Variants in INTS4 observed in about 807,000 individuals in gnomAD.
INTS4 encodes integrator complex subunit 4.
Under a neutral mutation model 119.5 loss-of-function variants are expected in INTS4, and 70 were observed. The observed-to-expected ratio is 0.59, with a 90% CI of 0.48 to 0.71. INTS4 has a LOEUF of 0.71. Among genes scored for constraint, INTS4 ranks in the 30% least tolerant of loss-of-function variants. INTS4 has a pLI of 0.00. For synonymous variants in INTS4, 316 were observed against 419.6 expected, an observed-to-expected ratio of 0.75 and a Z score of 3.02; for missense variants, 867 against 1,173.2, an observed-to-expected ratio of 0.74 and a Z score of 3.81.
Position 77,981,514 on chromosome 11 carries a change from T to G in INTS4, c.309A>C (p.Ala103=), listed in dbSNP as rs1261793384. ...ASLLGLLSKT[A]GFSPDCIMDD... is the part of the protein sequence containing the mutation. ...CCATAATGCAGTCTGGTGAAAATCC[T>G]GCTGTCTTTGATAATAAACCCAACA... Residue 103 remains alanine (A), a synonymous_variant, in exon 3 of 23, where the codon GCA becomes GCC. Coordinates refer to ENST00000534064, the MANE Select transcript of INTS4 (RefSeq NM_033547.4). 4 of 1,586,118 alleles carry G rather than the reference T, an allele frequency of 2.5e-6. No homozygotes were observed. The highest frequency in any genetic ancestry group is 1.3e-5 in the African/African-American group (1 of 74,102).
At chr11:77,970,299 T>G (rs748121387) in intron 4 of INTS4, among the ~76,000 whole-genome samples, 19 of 152,034 alleles carry the variant, frequency 1.2e-4, no homozygotes, top group Non-Finnish European at 5.9e-5. Context: ...CTCAGGAGGC[T>G]GAGGCAGGAG....
At chr11:77,911,055 C>T (rs1261077159) in intron 15 of INTS4, 2 of 1,288,918 alleles carry the variant, frequency 1.6e-6, no homozygotes, top group Admixed American at 2.3e-5. Context: ...AAAAACCGTC[C>T]ACTGGACTAT....
Position 77,994,602 on chromosome 11 carries a change from C to G in INTS4, c.42G>C (p.Thr14=). The G allele has an allele frequency of 2.5e-6, 4 of 1,613,764 alleles. No individual in the cohort carries two copies. Among genetic ancestry groups the G allele is most frequent in the South Asian group, 1.1e-5 (1 of 91,080 alleles). Residue 14 remains threonine (T), a synonymous_variant, in exon 1 of 23, where the codon ACG becomes ACC. Coordinates refer to ENST00000534064, the MANE Select transcript of INTS4 (RefSeq NM_033547.4). ...HLKKRVYEEF[T]KVVQPQEEIA... is the part of the protein sequence containing the mutation. ...CGCCAGAGCTTACCTGAACCACTTT[C>G]GTGAATTCCTCATAAACCCGCTTCT...
intron 9 of INTS4, among the ~76,000 whole-genome samples, chr11:77,939,878 C>A (rs1187944915): frequency 3.3e-5 from 5 of 151,490 alleles, no homozygotes; most frequent in African/African-American, 1.2e-4. Flanking sequence ...AACAAACAAA[C>A]AAAAAAACCA....
intron 8 of INTS4, among the ~76,000 whole-genome samples, chr11:77,951,487 C>T (rs1202762988): frequency 1.3e-5 from 2 of 152,128 alleles, no homozygotes; most frequent in Non-Finnish European, 2.9e-5. Context: ...TGGATCCCTT[C>T]CTTACACCTT....
Position 77,939,946 on chromosome 11 carries a change from G to A in INTS4, c.991-1121C>T, listed in dbSNP as rs543067915. 1.4e-4 allele frequency among the ~76,000 whole-genome samples: 22 copies of A among 152,148 alleles called. No individual in the cohort carries two copies. In the South Asian group the frequency reaches 1.5e-3, roughly 10 times the overall value. ...AAAATCACCAAAGTCATTATATTAG[G>A]GTAGCAGGCATATGGGTAAATTGTT... On this transcript the variant is annotated intron_variant, in intron 9 of 22. Coordinates refer to ENST00000534064, the MANE Select transcript of INTS4 (RefSeq NM_033547.4).
intron 15 of INTS4, 130 bp from the exon 16 acceptor site, chr11:77,907,940 A>T: frequency 1.7e-6 from 1 of 594,610 alleles, no homozygotes; most frequent in Non-Finnish European, 2.9e-6. Flanking sequence ...ACGACACTGA[A>T]TGCTGGAGTG....
chr11:77,934,033 T>C (rs1953731228), intron 10 of INTS4, among the ~76,000 whole-genome samples: 1 of 79,004 alleles, frequency 1.3e-5, no homozygotes, highest in Non-Finnish European at 2.5e-5. Context: ...GAGACTCCAT[T>C]TTGTTCTGTA....
chr11:77,912,311 G>A (rs561849779), intron 15 of INTS4, among the ~76,000 whole-genome samples: 3 of 150,998 alleles, frequency 2.0e-5, no homozygotes, highest in East Asian at 1.9e-4. Context: ...GCCGTGAACC[G>A]AGATTGCACC....
chr11:77,875,543 C>G (rs1951571545), downstream of INTS4, among the ~76,000 whole-genome samples: 1 of 152,138 alleles, frequency 6.6e-6, no homozygotes, highest in Non-Finnish European at 1.5e-5. Flanking sequence ...ACCGCCTTCT[C>G]CAACAGAGAA....
In INTS4 at chr11:77,883,872, C is replaced by G. The variant is rs888060765; in HGVS notation, c.2673G>C (p.Arg891=). 2 of 1,612,454 alleles carry G rather than the reference C, an allele frequency of 1.2e-6. No individual in the cohort carries two copies. Among genetic ancestry groups the G allele is most frequent in the African/African-American group, 2.7e-5 (2 of 74,884 alleles). ...DFRNPGPGRH[R]LITQVYLSHT... ...GGGAGAGATAAACCTGAGTGATGAG[C>G]CGGTGCCGCCCTGGGCCAGGATTCC... The change falls in exon 22 of 23, where the codon CGG becomes CGC. Residue 891 remains arginine, a synonymous_variant. Coordinates refer to ENST00000534064, the MANE Select transcript of INTS4 (RefSeq NM_033547.4).
At chr11:77,885,240 G>A (rs1352047229) in intron 21 of INTS4, among the ~76,000 whole-genome samples, 2 of 151,976 alleles carry the variant, frequency 1.3e-5, no homozygotes, top group Non-Finnish European at 2.9e-5. Flanking sequence ...GTCATGCCCG[G>A]CTAATTTTGT....
rs570787213 is a variant in INTS4 at position 77,947,208 on chromosome 11, A to C, written c.919-5957T>G. Among the ~76,000 whole-genome samples, 5 of 152,270 alleles carry C rather than the reference A, an allele frequency of 3.3e-5. No homozygotes were observed. In the East Asian group the frequency reaches 9.7e-4, roughly 29 times the overall value. On this transcript the variant is annotated intron_variant, in intron 8 of 22. Transcript: ENST00000534064. ...TTGCATTGAAGATTGCCTGATGGAGAAGAGAAAGAGAAAGGCACAGAAAAC... is the reference window on the plus strand; with the variant it reads ...TTGCATTGAAGATTGCCTGATGGAGCAGAGAAAGAGAAAGGCACAGAAAAC...
intron 10 of INTS4, among the ~76,000 whole-genome samples, chr11:77,931,285 G>A (rs1479328130): frequency 6.6e-6 from 1 of 152,148 alleles, no homozygotes; most frequent in East Asian, 1.9e-4. Flanking sequence ...TAGAAGACTA[G>A]AAGTATGTGA....
chr11:77,971,828 T>C (rs1236887619), intron 4 of INTS4, among the ~76,000 whole-genome samples: 4 of 152,172 alleles, frequency 2.6e-5, no homozygotes, highest in Admixed American at 2.6e-4. Flanking sequence ...AATCTAATAA[T>C]CCACTCCAAA....
intron 15 of INTS4, among the ~76,000 whole-genome samples, chr11:77,908,501 G>C (rs1411612732): frequency 6.6e-6 from 1 of 152,010 alleles, no homozygotes; most frequent in Admixed American, 6.6e-5. Context: ...GCTAATTTTT[G>C]TATTTTTAGT....
At chr11:77,990,977 T>C in intron 2 of INTS4, 131 bp downstream of exon 2, 5 of 726,118 alleles carry the variant, frequency 6.9e-6, no homozygotes, top group Middle Eastern at 3.4e-4. Context: ...GTATCCATAG[T>C]ACCTAGCACT....
At chr11:77,920,228 C>CACATATATATACACAT (rs1565244788) in intron 14 of INTS4, among the ~76,000 whole-genome samples, 2 of 15,184 alleles carry the variant, frequency 1.3e-4, no homozygotes. Flanking sequence ...TACACATATA[C>CACATATATATACACAT]ATACATATAT....
chr11:77,944,021 T>C (rs1429863255), intron 8 of INTS4, among the ~76,000 whole-genome samples: 3 of 152,226 alleles, frequency 2.0e-5, no homozygotes, highest in Non-Finnish European at 4.4e-5. Context: ...TCTTAAGGCT[T>C]ATAAAAGTAG....
Sources: allele counts gnomAD v4.1 joint callset (sites outside exome capture counted in the v4.1 genomes callset), GRCh38; gene constraint gnomAD v4.1.1; transcripts MANE v1.5; gene names NCBI Gene and HGNC (gene_info 2026-07-23, HGNC 2026-07-21).